Variants in TRPC4 observed in about 807,000 individuals in gnomAD.
TRPC4 encodes the protein short transient receptor potential channel 4.
Under a neutral mutation model 99.4 loss-of-function variants are expected in TRPC4, and 49 were observed. The ratio of observed to expected loss-of-function variants is 0.49; its 90% CI spans 0.39 to 0.63. The LOEUF (loss-of-function observed/expected upper bound fraction) is 0.63, where lower values mean the gene tolerates loss of function less well. Among genes scored for constraint, TRPC4 ranks in the 20% least tolerant of loss-of-function variants. The probability of loss-of-function intolerance (pLI) is 0.00; values close to 1 mark genes in which losing one functional copy is unlikely to be tolerated. For synonymous variants in TRPC4, 454 were observed against 425.9 expected (o/e 1.07, Z -0.81); for missense variants, 898 against 1,152.9 (o/e 0.78, Z 3.20).
chr13:37,821,190 CCACACA>C lies in TRPC4; in HGVS notation c.-27-37836_-27-37831del, dbSNP rs3086254. Among the ~76,000 whole-genome samples the C allele has an allele frequency of 5.3e-3, 727 of 135,978 alleles. 3 individuals carry two copies. Among genetic ancestry groups the C allele is most frequent in the Middle Eastern group, 0.027 (7 of 260 alleles). The allele number at this position is 135,978 out of a possible 152,430, so 89.2% of individuals were successfully genotyped here. A position where few individuals can be genotyped will look rare whatever the true frequency, so the allele number is the denominator to read the frequency against. On this transcript the variant is annotated intron_variant, in intron 1 of 10. Transcript: ENST00000379705. ...ATGAATGAAATCACATTCACAATAG[CCACACA>C]CACACACACACACACACACACACAC...
chr13:37,864,927 C>T lies in TRPC4; in HGVS notation c.-28+4668G>A, dbSNP rs1257316329. Among the ~76,000 whole-genome samples, 13 of 151,836 alleles carry T rather than the reference C, an allele frequency of 8.6e-5. 1 individual carries two copies. Among genetic ancestry groups the T allele is most frequent in the South Asian group, 8.3e-4 (4 of 4,824 alleles). The stretch of plus-strand genomic sequence containing the variant: ...AAATGCAACAAAAATGAAAAGCTTA[C>T]GCATGTGCCATTCATCTATTGATTC... On this transcript the variant is annotated intron_variant, in intron 1 of 10. Transcript: ENST00000379705.
chr13:37,678,936 A>G (rs1193120145), intron 4 of TRPC4, among the ~76,000 whole-genome samples: 1 of 152,146 alleles, frequency 6.6e-6, no homozygotes. Context: ...TTTAAAAATC[A>G]ATCAGCATAA....
intron 3 of TRPC4, among the ~76,000 whole-genome samples, chr13:37,736,638 T>C (rs1407046691): frequency 6.6e-6 from 1 of 152,176 alleles, no homozygotes. Context: ...CTGGGATGAA[T>C]GTATATATTA....
At chr13:37,813,268 A>G (rs569031866) in intron 1 of TRPC4, among the ~76,000 whole-genome samples, 1 of 151,994 alleles carries the variant, frequency 6.6e-6, no homozygotes, top group East Asian at 1.9e-4. Flanking sequence ...GCTTACAAGG[A>G]AATTTATATT....
chr13:37,790,960 G>GA (rs1483469421), intron 1 of TRPC4, among the ~76,000 whole-genome samples: 2 of 151,796 alleles, frequency 1.3e-5, no homozygotes, highest in Non-Finnish European at 2.9e-5. Flanking sequence ...AAATAGGGAA[G>GA]AAAAAACAGA....
intron 3 of TRPC4, among the ~76,000 whole-genome samples, chr13:37,730,051 C>A (rs1218071405): frequency 1.3e-5 from 2 of 151,974 alleles, no homozygotes; most frequent in African/African-American, 2.4e-5. Flanking sequence ...CAGAGGCTGG[C>A]CACTCAGAAA....
rs531899748 is a variant in TRPC4 at position 37,713,557 on chromosome 13, G to C, written c.898-21222C>G. 8.5e-5 allele frequency among the ~76,000 whole-genome samples: 13 copies of C among 152,214 alleles called. No individual in the cohort carries two copies. In the South Asian group the frequency reaches 2.7e-3, roughly 32 times the overall value. ...TCAAAGAAAGATAGCTGTTTCCACT[G>C]TCTGTCTTCCATGTCTTACTTGGTG... On this transcript the variant is annotated intron_variant, in intron 3 of 10. Coordinates refer to ENST00000379705, the MANE Select transcript of TRPC4 (RefSeq NM_016179.4).
chr13:37,715,465 G>T (rs1041331864), intron 3 of TRPC4, among the ~76,000 whole-genome samples: 2 of 152,184 alleles, frequency 1.3e-5, no homozygotes, highest in East Asian at 3.8e-4. Flanking sequence ...TATAAAAATA[G>T]TTGCCTTTTG....
chr13:37,829,761 A>C (rs536687533), intron 1 of TRPC4, among the ~76,000 whole-genome samples: 1 of 152,314 alleles, frequency 6.6e-6, no homozygotes, highest in Non-Finnish European at 1.5e-5. Context: ...TCAACAGATG[A>C]ATGGTAAAAT....
intron 8 of TRPC4, among the ~76,000 whole-genome samples, chr13:37,649,916 T>C (rs9548000): frequency 0.2 from 31,060 of 152,098 alleles, 3,523 homozygotes; most frequent in Non-Finnish European, 0.25. Flanking sequence ...GTAATCTGAC[T>C]TTGGTTTCTA....
At chr13:37,833,044 T>G (rs1182963206) in intron 1 of TRPC4, among the ~76,000 whole-genome samples, 2 of 152,178 alleles carry the variant, frequency 1.3e-5, no homozygotes, top group African/African-American at 2.4e-5. Flanking sequence ...CTTGCTGCAC[T>G]CTGCCAGTTC....
At chr13:37,861,023 A>C (rs907707955) in intron 1 of TRPC4, among the ~76,000 whole-genome samples, 2 of 151,596 alleles carry the variant, frequency 1.3e-5, no homozygotes, top group Non-Finnish European at 3.0e-5. Flanking sequence ...CATTAATCAC[A>C]TTAAATATTT....
rs569049387 is a variant in TRPC4, at chr13:37,750,686, A to T, written c.379-4231T>A. On this transcript the variant is annotated intron_variant, in intron 2 of 10. Transcript: ENST00000379705. ...TATTGTACTTTAAGTTCTGGAGTAC[A>T]TGTGCAGAATGTGCAGGTTTGTTAC... Among the ~76,000 whole-genome samples the T allele has an allele frequency of 1.5e-3, 226 of 152,236 alleles. 2 individuals carry two copies. The highest frequency in any genetic ancestry group is 4.7e-3 in the African/African-American group (194 of 41,550).
At chr13:37,707,247 A>C (rs1266847620) in intron 3 of TRPC4, among the ~76,000 whole-genome samples, 1 of 152,166 alleles carries the variant, frequency 6.6e-6, no homozygotes. Flanking sequence ...AGTAGATTCA[A>C]AGTTTTATTC....
At chr13:37,782,915 C>A in intron 2 of TRPC4, 41 bp downstream of exon 2, 4 of 1,396,120 alleles carry the variant, frequency 2.9e-6, no homozygotes, top group East Asian at 2.5e-5. Flanking sequence ...AAAAAACCTT[C>A]TGCAGGTAAA....
At chr13:37,836,278 C>T (rs1958562848) in intron 1 of TRPC4, among the ~76,000 whole-genome samples, 1 of 152,032 alleles carries the variant, frequency 6.6e-6, no homozygotes, top group African/African-American at 2.4e-5. Context: ...TAAGTTGGTA[C>T]CAAGAATGAG....
intron 3 of TRPC4, among the ~76,000 whole-genome samples, chr13:37,712,871 A>G (rs929354382): frequency 6.6e-6 from 1 of 152,060 alleles, no homozygotes; most frequent in African/African-American, 2.4e-5. Flanking sequence ...GTGCATTTGT[A>G]TTTGTTCCTC....
At chr13:37,670,357 T>C (rs978213342) in intron 5 of TRPC4, among the ~76,000 whole-genome samples, 7 of 150,752 alleles carry the variant, frequency 4.6e-5, no homozygotes, top group Non-Finnish European at 8.8e-5. Flanking sequence ...GATGATACAG[T>C]TTTTTTTGGT....
intron 1 of TRPC4, among the ~76,000 whole-genome samples, chr13:37,841,577 C>A (rs1045084342): frequency 1.3e-5 from 2 of 149,356 alleles, no homozygotes; most frequent in Non-Finnish European, 3.0e-5. Context: ...AGAAAATATT[C>A]AAAAAACAGA....
Sources: allele counts gnomAD v4.1 joint callset (sites outside exome capture counted in the v4.1 genomes callset), GRCh38; gene constraint gnomAD v4.1.1; transcripts MANE v1.5; gene names NCBI Gene and HGNC (gene_info 2026-07-23, HGNC 2026-07-21).